The following FAM151A variants were observed in gnomAD, a reference collection of about 807,000 sequenced individuals.
FAM151A encodes the protein family with sequence similarity 151 member A.
FAM151A carries 41 observed loss-of-function variants against 40.4 expected under a neutral mutation model. The ratio of observed to expected loss-of-function variants is 1.01; its 90% CI spans 0.79 to 1.32. The LOEUF (loss-of-function observed/expected upper bound fraction) is 1.32, where lower values mean the gene tolerates loss of function less well. FAM151A is among the 40% of genes most tolerant of loss of function. FAM151A has a pLI of 0.00. For missense variants in FAM151A, 740 were observed against 740.4 expected (o/e 1.00, Z 0.01); for synonymous variants, 337 against 312.5 (o/e 1.08, Z -0.83).
chr1:54,619,468 A>G (rs17395160), intron 2 of FAM151A, among the ~76,000 whole-genome samples: 26,426 of 152,182 alleles, frequency 0.17, 2,741 homozygotes, highest in Non-Finnish European at 0.23. Flanking sequence ...TGGTAGTCCC[A>G]GGAGAACCTG....
intron 2 of FAM151A, among the ~76,000 whole-genome samples, chr1:54,616,638 G>A (rs150895463): frequency 0.015 from 2,288 of 152,218 alleles, 23 homozygotes; most frequent in Non-Finnish European, 0.025. Flanking sequence ...CTCCCAAAGT[G>A]CTGGGATTAC....
At chr1:54,614,045 T>G (rs1644145571) in intron 4 of FAM151A, among the ~76,000 whole-genome samples, 1 of 152,316 alleles carries the variant, frequency 6.6e-6, no homozygotes, top group South Asian at 2.1e-4. Context: ...CTTAAAACAG[T>G]TCTGGGACAC....
At chr1:54,610,178 G>C in intron 7 of FAM151A, 1 of 1,432,916 alleles carries the variant, frequency 7.0e-7, no homozygotes, top group Non-Finnish European at 9.1e-7. Flanking sequence ...GGGGGCTGGT[G>C]CCGGCCTTGC....
Position 54,612,659 on chromosome 1 carries a change from G to A in FAM151A, c.627C>T (p.Gly209=). ...EKYPKATLSP[G]WTTFYMSTSP... ...ACGTGGACATGTAGAAGGTGGTCCA[G>A]CCTGGAGATAGGGTAGCCTTGGGAT... Residue 209 remains glycine (G), a synonymous_variant, in exon 5 of 8, where the codon GGC becomes GGT. Coordinates refer to ENST00000302250, the MANE Select transcript of FAM151A (RefSeq NM_176782.3). 3 of 1,614,090 alleles carry A rather than the reference G, an allele frequency of 1.9e-6. No homozygotes were observed. Among genetic ancestry groups the A allele is most frequent in the South Asian group, 1.1e-5 (1 of 91,082 alleles).
chr1:54,614,595 A>T, intron 4 of FAM151A, 105 bp downstream of exon 4: 1 of 1,159,416 alleles, frequency 8.6e-7, no homozygotes, highest in Non-Finnish European at 1.2e-6. Flanking sequence ...GGCTATATAT[A>T]GTATGATTGG....
chr1:54,610,567 C>T lies in FAM151A; in HGVS notation c.941-12G>A. ...CCGTGTGGCATTCACTGTGGGGCCC[C>T]AAATCGCCAAGGTGAAGTGGCTGCC... is the stretch of plus-strand genomic sequence containing the variant. On this transcript the variant is annotated splice_polypyrimidine_tract_variant and intron_variant, in intron 6 of 7. Transcript: ENST00000302250. The T allele has an allele frequency of 1.2e-6, 2 of 1,607,840 alleles. No homozygotes were observed. Among genetic ancestry groups the T allele is most frequent in the Non-Finnish European group, 1.7e-6 (2 of 1,176,150 alleles).
intron 2 of FAM151A, among the ~76,000 whole-genome samples, chr1:54,617,211 A>G (rs1454515808): frequency 6.6e-6 from 1 of 152,084 alleles, no homozygotes; most frequent in Non-Finnish European, 1.5e-5. Context: ...GACCTTTCTA[A>G]TGGGAAGCTG....
In FAM151A at chr1:54,623,420, C is replaced by A; in HGVS notation, c.-25G>T. ...TGGCGACGCTCTCTGGGGAATGCCC[C>A]CAACTCCGTGCGGCCCAGAGTCCCT... On this transcript the variant is annotated 5_prime_UTR_variant, in exon 1 of 8. Coordinates refer to ENST00000302250, the MANE Select transcript of FAM151A (RefSeq NM_176782.3). 6.3e-7 allele frequency: 1 copy of A among 1,581,108 alleles called. No individual in the cohort carries two copies. Among genetic ancestry groups the A allele is most frequent in the Non-Finnish European group, 8.7e-7 (1 of 1,150,984 alleles).
chr1:54,623,257 G>A (rs1166305036), intron 1 of FAM151A, 21 bp downstream of exon 1: 7 of 1,561,688 alleles, frequency 4.5e-6, no homozygotes, highest in Non-Finnish European at 6.2e-6. Context: ...CACTCAGGAT[G>A]ACATGGGGGG....
rs1363352481 is a variant in FAM151A, at chr1:54,622,266, ACT to A, written c.118+1010_118+1011del. Among the ~76,000 whole-genome samples the A allele has an allele frequency of 1.1e-4, 11 of 104,584 alleles. No homozygotes were observed. In the East Asian group the frequency reaches 2.1e-3, roughly 20 times the overall value. 68.6% of individuals were successfully genotyped at this position (104,584 alleles called of 152,430 possible). A position where few individuals can be genotyped will look rare whatever the true frequency, so the allele number is the denominator to read the frequency against. On this transcript the variant is annotated intron_variant, in intron 1 of 7. Transcript: ENST00000302250. ...ACTCTAGGCTGAGTGACAGAGTGAG[ACT>A]CTGTCTCAAAAAAAAAAAAAAAAAA...
chr1:54,619,367 G>C (rs942061248), intron 2 of FAM151A, among the ~76,000 whole-genome samples: 6 of 152,190 alleles, frequency 3.9e-5, no homozygotes, highest in Non-Finnish European at 7.3e-5. Flanking sequence ...TGGCTTAACT[G>C]CTTTCAGACA....
At chr1:54,611,088 C>T (rs906655708) in intron 6 of FAM151A, 2 of 881,164 alleles carry the variant, frequency 2.3e-6, no homozygotes, top group African/African-American at 3.6e-5. Context: ...AATTCCTGAA[C>T]TGTTTTGAGC....
At chr1:54,621,194 C>T (rs912126453) in intron 1 of FAM151A, among the ~76,000 whole-genome samples, 2 of 150,456 alleles carry the variant, frequency 1.3e-5, no homozygotes, top group African/African-American at 2.4e-5. Flanking sequence ...CGGCGGCTGA[C>T]GCCTGTAATC....
intron 2 of FAM151A, among the ~76,000 whole-genome samples, chr1:54,619,368 C>T (rs1038221732): frequency 3.9e-5 from 6 of 152,226 alleles, no homozygotes; most frequent in Non-Finnish European, 7.3e-5. Context: ...GGCTTAACTG[C>T]TTTCAGACAG....
rs1158385125 is a variant in FAM151A, at chr1:54,621,155, T to C, written c.119-1148A>G. 3.4e-5 allele frequency among the ~76,000 whole-genome samples: 5 copies of C among 146,036 alleles called. No individual in the cohort carries two copies. In the East Asian group the frequency reaches 6.1e-4, roughly 18 times the overall value. ...CATCCTGGGTGACACAGTGAGACACTGTCTCAAAAAAAAAAAAAAACCTGC... is the reference window on the plus strand; with the variant it reads ...CATCCTGGGTGACACAGTGAGACACCGTCTCAAAAAAAAAAAAAAACCTGC... On this transcript the variant is annotated intron_variant, in intron 1 of 7. Coordinates refer to ENST00000302250, the MANE Select transcript of FAM151A (RefSeq NM_176782.3).
chr1:54,622,781 C>T (rs565676472), intron 1 of FAM151A, among the ~76,000 whole-genome samples: 3 of 151,902 alleles, frequency 2.0e-5, no homozygotes, highest in African/African-American at 4.8e-5. Context: ...GGGAAGTCAA[C>T]GGGACTTTCT....
intron 5 of FAM151A, 123 bp from the exon 6 acceptor site, chr1:54,611,868 C>T (rs934517246): frequency 9.0e-7 from 1 of 1,115,884 alleles, no homozygotes; most frequent in Admixed American, 2.2e-5. Context: ...CAGTCGCCCA[C>T]CTGCCACTTC....
chr1:54,619,792 A>T (rs1557673880), intron 2 of FAM151A, 72 bp downstream of exon 2: 40 of 1,476,320 alleles, frequency 2.7e-5, no homozygotes, highest in Non-Finnish European at 3.4e-5. Flanking sequence ...CCAGTGTCTG[A>T]TCCTCACTTC....
Position 54,609,807 on chromosome 1 carries a change from C to A in FAM151A, c.1219G>T (p.Gly407Ter). 1 of 1,614,186 alleles carries A rather than the reference C, an allele frequency of 6.2e-7. No homozygotes were observed. The highest frequency in any genetic ancestry group is 8.5e-7 in the Non-Finnish European group (1 of 1,180,034). ...SCLQQLATHP[G>*]HWGIHLQIAE... ...ATTTGCAAATGGATGCCCCAGTGTC[C>A]GGGATGTGTGGCCAGCTGCTGCAGG... Residue 407 changes from glycine (G) to a stop codon, truncating the protein, a stop_gained, in exon 8 of 8, where the codon GGA (glycine) becomes TGA (stop). Coordinates refer to ENST00000302250, the MANE Select transcript of FAM151A (RefSeq NM_176782.3). LOFTEE classifies it low-confidence loss of function (END_TRUNC).
Sources: gnomAD v4.1 joint callset for allele counts (sites outside exome capture counted in the v4.1 genomes callset) on GRCh38, gnomAD v4.1.1 for gene constraint, MANE v1.5 for transcripts, NCBI Gene and HGNC (gene_info 2026-07-23, HGNC 2026-07-21) for gene names.